Variants in PRH1 observed in about 807,000 individuals in gnomAD.
PRH1 encodes the protein salivary acidic proline-rich phosphoprotein 1/2.
PRH1 carries 7 observed loss-of-function variants against 7.9 expected under a neutral mutation model. The ratio of observed to expected loss-of-function variants is 0.89; its 90% CI spans 0.50 to 1.67. The LOEUF (loss-of-function observed/expected upper bound fraction) is 1.67, where lower values mean the gene tolerates loss of function less well. PRH1 is among the 40% of genes most tolerant of loss of function. PRH1 has a pLI of 0.00. For synonymous variants in PRH1, 45 were observed against 80.8 expected, an observed-to-expected ratio of 0.56 and a Z score of 2.38; for missense variants, 109 against 223.6, an observed-to-expected ratio of 0.49 and a Z score of 3.27.
intron 2 of PRH1, among the ~76,000 whole-genome samples, chr12:10,962,298 T>C (rs1417558586): frequency 6.6e-6 from 1 of 152,194 alleles, no homozygotes; most frequent in Non-Finnish European, 1.5e-5. Flanking sequence ...AAATGCATTT[T>C]TTACATAATA....
intron 1 of PRH1, among the ~76,000 whole-genome samples, chr12:10,994,891 C>A (rs927825230): frequency 6.6e-6 from 1 of 152,134 alleles, no homozygotes; most frequent in Non-Finnish European, 1.5e-5. Flanking sequence ...GATATGTGCA[C>A]TTATACAAAA....
chr12:11,019,336 C>A (rs1941470679), intron 1 of PRH1, among the ~76,000 whole-genome samples: 1 of 152,218 alleles, frequency 6.6e-6, no homozygotes, highest in African/African-American at 2.4e-5. Flanking sequence ...AACATCACGA[C>A]ACATGGTTTT....
intron 1 of PRH1, among the ~76,000 whole-genome samples, chr12:11,149,339 T>C (rs1258011079): frequency 6.6e-6 from 1 of 152,220 alleles, no homozygotes; most frequent in East Asian, 1.9e-4. Flanking sequence ...CTTTTGAATG[T>C]GTTTGCTCTT....
chr12:10,967,569 C>G (rs191660568), intron 2 of PRH1, among the ~76,000 whole-genome samples: 4 of 152,298 alleles, frequency 2.6e-5, no homozygotes, highest in East Asian at 1.9e-4. Context: ...AAAGCTTCGT[C>G]TAGGCCTTAT....
At chr12:10,979,117 G>A (rs575330958) in intron 1 of PRH1, among the ~76,000 whole-genome samples, 1 of 152,240 alleles carries the variant, frequency 6.6e-6, no homozygotes, top group South Asian at 2.1e-4. Context: ...GAGGGCAGGA[G>A]GGGGGTGAGG....
At chr12:10,980,159 C>A (rs1456668417) in intron 1 of PRH1, among the ~76,000 whole-genome samples, 1 of 151,968 alleles carries the variant, frequency 6.6e-6, no homozygotes, top group South Asian at 2.1e-4. Flanking sequence ...AAATTTAGAC[C>A]CTTATTTTAT....
chr12:10,985,979 C>T (rs369994476), intron 1 of PRH1: 56 of 1,611,616 alleles, frequency 3.5e-5, no homozygotes, highest in Non-Finnish European at 4.5e-5. Flanking sequence ...TAATCTGACA[C>T]AAAATCAAAA....
chr12:10,883,148 G>A (rs1360267786), intron 1 of PRH1, 52 bp from the exon 2 acceptor site: 2 of 1,581,722 alleles, frequency 1.3e-6, no homozygotes, highest in Admixed American at 1.7e-5. Context: ...AATCATTCAA[G>A]GCTCATAGTG....
chr12:11,009,087 C>T (rs1462202977), intron 1 of PRH1, among the ~76,000 whole-genome samples: 1 of 151,730 alleles, frequency 6.6e-6, no homozygotes. Flanking sequence ...ACATATTTAT[C>T]ATTTTCATTA....
intron 1 of PRH1, among the ~76,000 whole-genome samples, chr12:11,098,606 CA>C (rs1297875252): frequency 6.6e-6 from 1 of 152,170 alleles, no homozygotes; most frequent in African/African-American, 2.4e-5. Context: ...GATCATATAG[CA>C]AATGTCTAAA....
At position 10,961,345 on chromosome 12, in the gene PRH1, A is replaced by G. The variant is rs190530812; in HGVS notation, c.-59+12310T>C. 2.7e-3 allele frequency among the ~76,000 whole-genome samples: 404 copies of G among 151,132 alleles called. 5 individuals are homozygous for G. The highest frequency in any genetic ancestry group is 3.8e-3 in the Non-Finnish European group (261 of 68,032). The stretch of plus-strand genomic sequence containing the variant: ...GCCCAGCGAACAATGATAAAATCAG[A>G]AGATGGCAGCATCCCCCAAATAAAC... On this transcript the variant is annotated intron_variant, in intron 2 of 3. Transcript: ENST00000539853.
intron 1 of PRH1, among the ~76,000 whole-genome samples, chr12:11,045,303 T>G (rs1942863459): frequency 7.7e-6 from 1 of 129,340 alleles, no homozygotes. Flanking sequence ...AAGGAGTGGC[T>G]GGTTAATGGT....
rs144929457 is a variant in PRH1 at position 11,054,229 on chromosome 12, T to C, written n.124-7041A>G. ...TTCTAATGATTTGCAAGATATTTTT[T>C]CTTTTACCACATTCTAAAAATTACC... On this transcript the variant is annotated intron_variant and non_coding_transcript_variant, in intron 1 of 4. Coordinates refer to the PRH1 transcript ENST00000541977. 3.9e-3 allele frequency among the ~76,000 whole-genome samples: 595 copies of C among 152,340 alleles called. 1 individual carries two copies. Among genetic ancestry groups the C allele is most frequent in the African/African-American group, 0.014 (565 of 41,586 alleles).
intron 1 of PRH1, among the ~76,000 whole-genome samples, chr12:11,075,856 T>A (rs9777906): frequency 0.14 from 12,036 of 83,018 alleles, 1,720 homozygotes; most frequent in Non-Finnish European, 0.19. Context: ...GTTTACCACA[T>A]CAAATTATCC....
intron 1 of PRH1, chr12:11,021,990 A>T: frequency 6.2e-7 from 1 of 1,614,138 alleles, no homozygotes; most frequent in Non-Finnish European, 8.5e-7. Context: ...ACAGCAGAAA[A>T]CATATTAGGC....
intron 1 of PRH1, among the ~76,000 whole-genome samples, chr12:11,165,147 T>C (rs1318886275): frequency 6.6e-6 from 1 of 152,230 alleles, no homozygotes; most frequent in Non-Finnish European, 1.5e-5. Flanking sequence ...TAAGAATTGC[T>C]GGGTTTCATG....
At position 11,075,928 on chromosome 12, in the gene PRH1, G is replaced by A. The variant is rs183617104; in HGVS notation, n.124-28740C>T. On this transcript the variant is annotated intron_variant and non_coding_transcript_variant, in intron 1 of 4. Coordinates refer to the PRH1 transcript ENST00000541977. Reference sequence around the variant, plus strand: ...TTTTTGACCAACTATTCTTTGTGCTGGCTTTTAGATCCCGTGAGTCCAGAC... The same window carrying A: ...TTTTTGACCAACTATTCTTTGTGCTAGCTTTTAGATCCCGTGAGTCCAGAC... Among the ~76,000 whole-genome samples, 118 of 121,748 alleles carry A rather than the reference G, an allele frequency of 9.7e-4. 23 individuals are homozygous for A. Among genetic ancestry groups the A allele is most frequent in the Admixed American group, 6.2e-3 (75 of 12,138 alleles). The allele number at this position is 121,748 out of a possible 152,430, so 79.9% of individuals were successfully genotyped here. A position where few individuals can be genotyped will look rare whatever the true frequency, so the allele number is the denominator to read the frequency against.
chr12:11,042,469 T>C (rs933621618), intron 1 of PRH1, among the ~76,000 whole-genome samples: 1 of 69,632 alleles, frequency 1.4e-5, no homozygotes, highest in Non-Finnish European at 2.9e-5. Flanking sequence ...AATTCTGCAA[T>C]AAAATGTCTC....
intron 2 of PRH1, among the ~76,000 whole-genome samples, chr12:10,970,095 C>T (rs544199544): frequency 4.6e-5 from 7 of 152,278 alleles, no homozygotes; most frequent in African/African-American, 2.4e-5. Flanking sequence ...AGCCACTGCA[C>T]CTGGTCCCTT....
Sources: allele counts gnomAD v4.1 joint callset (sites outside exome capture counted in the v4.1 genomes callset), GRCh38; gene constraint gnomAD v4.1.1; transcripts MANE v1.5; gene names NCBI Gene and HGNC (gene_info 2026-07-23, HGNC 2026-07-21).